MALRD1: variants seen among roughly 807,000 people sequenced by gnomAD.
MALRD1 encodes MAM and LDL-receptor class A domain-containing protein 1.
MALRD1 carries 247 observed loss-of-function variants against 242.1 expected under a neutral mutation model. The ratio of observed to expected loss-of-function variants is 1.02; its 90% CI spans 0.92 to 1.13. The LOEUF is 1.13. MALRD1 is among the 50% of genes most tolerant of loss of function. The pLI is 0.00. For synonymous variants in MALRD1, 995 were observed against 866.6 expected (o/e 1.15, Z -2.60); for missense variants, 2,989 against 2,533.1 (o/e 1.18, Z -3.86).
intron 29 of MALRD1, among the ~76,000 whole-genome samples, chr10:19,483,874 C>T (rs920503229): frequency 6.6e-6 from 1 of 152,118 alleles, no homozygotes; most frequent in African/African-American, 2.4e-5. Context: ...TGGAATCAAC[C>T]TAGGTGCCCA....
chr10:19,473,765 A>G (rs1836607023), intron 29 of MALRD1, among the ~76,000 whole-genome samples: 1 of 152,130 alleles, frequency 6.6e-6, no homozygotes, highest in African/African-American at 2.4e-5. Flanking sequence ...GACTATTGTG[A>G]AAAATGCTGC....
intron 26 of MALRD1, among the ~76,000 whole-genome samples, chr10:19,371,287 T>A (rs1845364738): frequency 6.6e-6 from 1 of 151,974 alleles, no homozygotes; most frequent in Non-Finnish European, 1.5e-5. Flanking sequence ...AGAATTGGCA[T>A]TGCTTCTGAT....
chr10:19,719,677 T>G (rs1313513780), intron 38 of MALRD1, among the ~76,000 whole-genome samples: 2 of 152,212 alleles, frequency 1.3e-5, no homozygotes, highest in Non-Finnish European at 2.9e-5. Context: ...TGGTTGTGTT[T>G]GCAAATGCAG....
At chr10:19,674,725 A>T (rs1842065154) in intron 36 of MALRD1, among the ~76,000 whole-genome samples, 1 of 152,230 alleles carries the variant, frequency 6.6e-6, no homozygotes. Flanking sequence ...GTTTCTTGGA[A>T]GGACTACACT....
chr10:19,165,242 A>AAT (rs57449195), intron 12 of MALRD1, among the ~76,000 whole-genome samples: 2,823 of 69,686 alleles, frequency 0.041, 308 homozygotes, highest in East Asian at 0.061. Flanking sequence ...AGTTGTTTGG[A>AAT]ATATATATAT....
At chr10:19,476,254 C>T (rs566927857) in intron 29 of MALRD1, among the ~76,000 whole-genome samples, 1 of 152,210 alleles carries the variant, frequency 6.6e-6, no homozygotes, top group Admixed American at 6.5e-5. Context: ...GGCATCTCTA[C>T]GTGTTTTAGT....
chr10:19,483,425 C>A (rs911448474), intron 29 of MALRD1, among the ~76,000 whole-genome samples: 6 of 151,978 alleles, frequency 3.9e-5, no homozygotes, highest in Admixed American at 2.6e-4. Flanking sequence ...GTCTAATATT[C>A]AGAATCTATA....
At chr10:19,292,946 G>A (rs999439271) in intron 21 of MALRD1, among the ~76,000 whole-genome samples, 1 of 150,348 alleles carries the variant, frequency 6.7e-6, no homozygotes, top group Non-Finnish European at 1.5e-5. Flanking sequence ...CACTAACTCT[G>A]TGTATCCTTC....
rs150189712 is a variant in MALRD1, at chr10:19,499,370, T to G, written c.5320+724T>G. Among the ~76,000 whole-genome samples the G allele has an allele frequency of 2.4e-3, 367 of 151,830 alleles. 7 individuals carry two copies. In the East Asian group the frequency reaches 0.051, roughly 21 times the overall value. On this transcript the variant is annotated intron_variant, in intron 31 of 39. Coordinates refer to ENST00000454679, the MANE Select transcript of MALRD1 (RefSeq NM_001142308.3). ...AGATGTTTTGGATGAGATCAACATTTAAATTGATGAACTTTGAGTAAAGTG... is the reference window on the plus strand; with the variant it reads ...AGATGTTTTGGATGAGATCAACATTGAAATTGATGAACTTTGAGTAAAGTG...
intron 38 of MALRD1, chr10:19,710,307 A>C (rs1834049413): frequency 6.6e-6 from 1 of 152,020 alleles, no homozygotes; most frequent in Non-Finnish European, 1.5e-5. Flanking sequence ...TTTTTTAGAG[A>C]AATGAGTGCA....
At chr10:19,547,804 ATATATATATATATATTTTTT>A (rs1357077768) in intron 32 of MALRD1, among the ~76,000 whole-genome samples, 2 of 13,308 alleles carry the variant, frequency 1.5e-4, no homozygotes, top group Non-Finnish European at 3.3e-4. Flanking sequence ...ATATATATAT[ATATATATATATATATTTTTT>A]TTTTTTTTTT....
In MALRD1 at chr10:19,237,710, A is replaced by G. The variant is rs1404601994; in HGVS notation, c.2992-19974A>G. ...TATATATAAATACATAATTATATAT[A>G]TATTTATATATAAATATATAATTAT... On this transcript the variant is annotated intron_variant, in intron 18 of 39. Transcript: ENST00000454679. Among the ~76,000 whole-genome samples, 6 of 110,128 alleles carry G rather than the reference A, an allele frequency of 5.4e-5. No homozygotes were observed. The East Asian group carries it at 9.2e-4, about 17-fold the overall frequency. The allele number at this position is 110,128 out of a possible 152,430, so 72.2% of individuals were successfully genotyped here.
At chr10:19,277,731 A>G (rs113532191) in intron 19 of MALRD1, among the ~76,000 whole-genome samples, 1 of 152,174 alleles carries the variant, frequency 6.6e-6, no homozygotes, top group African/African-American at 2.4e-5. Flanking sequence ...TCTATCTTCA[A>G]TCTTAGGTCT....
chr10:19,160,783 G>A (rs1834360159), intron 12 of MALRD1, among the ~76,000 whole-genome samples: 2 of 104,696 alleles, frequency 1.9e-5, no homozygotes, highest in African/African-American at 3.8e-5. Flanking sequence ...ATGGTAGTTT[G>A]TATTTCTGTG....
intron 36 of MALRD1, among the ~76,000 whole-genome samples, chr10:19,689,599 A>G (rs1842738642): frequency 6.6e-6 from 1 of 152,142 alleles, no homozygotes; most frequent in Non-Finnish European, 1.5e-5. Flanking sequence ...CCATGTTTCT[A>G]CCTTACAAAG....
intron 36 of MALRD1, among the ~76,000 whole-genome samples, chr10:19,670,509 C>A (rs1209220957): frequency 6.6e-6 from 1 of 152,218 alleles, no homozygotes; most frequent in Non-Finnish European, 1.5e-5. Flanking sequence ...AGCAGATTCA[C>A]ATGGCCACCC....
At chr10:19,683,952 C>T (rs1280058654) in intron 36 of MALRD1, among the ~76,000 whole-genome samples, 2 of 151,984 alleles carry the variant, frequency 1.3e-5, no homozygotes, top group African/African-American at 4.8e-5. Context: ...CAGCAGGCCC[C>T]GGTGTGTGAT....
intron 28 of MALRD1, among the ~76,000 whole-genome samples, chr10:19,392,669 G>A (rs1846389801): frequency 1.3e-5 from 2 of 152,224 alleles, no homozygotes; most frequent in African/African-American, 4.8e-5. Flanking sequence ...TGTAAGTTTT[G>A]TGTCTTCAGT....
At chr10:19,262,761 A>G (rs921510159) in intron 19 of MALRD1, among the ~76,000 whole-genome samples, 3 of 152,012 alleles carry the variant, frequency 2.0e-5, no homozygotes, top group African/African-American at 7.2e-5. Flanking sequence ...CGGATAACTG[A>G]AAATTTGTAC....
Sources: gnomAD v4.1 joint callset for allele counts (sites outside exome capture counted in the v4.1 genomes callset) on GRCh38, gnomAD v4.1.1 for gene constraint, MANE v1.5 for transcripts, NCBI Gene and HGNC (gene_info 2026-07-23, HGNC 2026-07-21) for gene names.